The following TM2D2 variants were observed in gnomAD, a reference collection of about 807,000 sequenced individuals.
The protein encoded by TM2D2 is TM2 domain-containing protein 2.
In TM2D2, 19 loss-of-function variants were observed where a neutral mutation model predicts 23.0. The observed-to-expected ratio is 0.82, with a 90% CI of 0.58 to 1.21. TM2D2 has a LOEUF of 1.21. Ranked by LOEUF, TM2D2 falls within the 50% of genes most tolerant of loss-of-function variation. The pLI is 0.00. For missense variants in TM2D2, 246 were observed against 265.4 expected (o/e 0.93, Z 0.51); for synonymous variants, 120 against 108.8 (o/e 1.10, Z -0.64).
At chr8:38,996,621 C>A, upstream of TM2D2, 1 of 1,440,310 alleles carries the variant, frequency 6.9e-7, no homozygotes, top group Non-Finnish European at 9.1e-7. Context: ...AAAGGTCGAG[C>A]AGACGGGCGG....
chr8:38,996,820 A>C, upstream of TM2D2: 1 of 1,435,104 alleles, frequency 7.0e-7, no homozygotes, highest in Admixed American at 2.8e-5. Context: ...CCGGTTTAGA[A>C]ATCCTATTCT....
chr8:38,996,282 T>G lies in TM2D2; in HGVS notation c.158A>C (p.Glu53Ala), dbSNP rs1395962380. The G allele has an allele frequency of 6.2e-7, 1 of 1,613,806 alleles. No homozygotes were observed. The highest frequency in any genetic ancestry group is 8.5e-7 in the Non-Finnish European group (1 of 1,179,990). Reference protein sequence around the residue: ...ELTSAGAAQPEGPGGAASWEY... With the variant: ...ELTSAGAAQPAGPGGAASWEY... ...CCAGCTCGCAGCACCCCCGGGGCCC[T>G]CCGGCTGGGCGGCGCCAGCGGATGT... Residue 53 changes from glutamate (E) to alanine (A), a missense_variant, in exon 1 of 4, where the codon GAG (glutamate) becomes GCG (alanine). Transcript: ENST00000456397.
At chr8:38,995,199 G>C in intron 2 of TM2D2, 119 bp downstream of exon 2, 1 of 721,692 alleles carries the variant, frequency 1.4e-6, no homozygotes, top group African/African-American at 1.9e-5. Flanking sequence ...TTCCAGTAAC[G>C]GTCTTTCTGA....
chr8:38,995,241 T>C lies in TM2D2; in HGVS notation c.315+77A>G. On this transcript the variant is annotated intron_variant, in intron 2 of 3. Coordinates refer to ENST00000456397, the MANE Select transcript of TM2D2 (RefSeq NM_078473.3). ...TCTTCAAAAAACTTTGTACCTCTTA[T>C]ACTTTTATGTAATAGCATTCAGACA... 4 of 1,099,658 alleles carry C rather than the reference T, an allele frequency of 3.6e-6. No individual in the cohort carries two copies. In the South Asian group the frequency reaches 4.6e-5, roughly 13 times the overall value. 68.1% of individuals were successfully genotyped at this position (1,099,658 alleles called of 1,614,324 possible).
intron 2 of TM2D2, 95 bp downstream of exon 2, chr8:38,995,223 A>C: frequency 1.1e-6 from 1 of 943,958 alleles, no homozygotes; most frequent in Non-Finnish European, 1.6e-6. Context: ...AATTCTTCAA[A>C]AAACTTTGTA....
intron 2 of TM2D2, among the ~76,000 whole-genome samples, chr8:38,994,663 G>A (rs919013208): frequency 1.3e-5 from 2 of 152,152 alleles, no homozygotes; most frequent in African/African-American, 2.4e-5. Flanking sequence ...ATAGGATGGC[G>A]AGTCCATGGT....
At position 38,996,300 on chromosome 8, in the gene TM2D2, G is replaced by A; in HGVS notation, c.140C>T (p.Ala47Val). ...GGGGCCCTCCGGCTGGGCGGCGCCA[G>A]CGGATGTGAGCTCAGGCTCAGCGGT... ...NATAEPELTS[A>V]GAAQPEGPGG... The change falls in exon 1 of 4, where the codon GCT becomes GTT. Residue 47 changes from alanine to valine, a missense_variant. Ala to Val is a moderately conservative substitution (Grantham distance 64, BLOSUM62 0). Transcript: ENST00000456397. 3 of 1,614,092 alleles carry A rather than the reference G, an allele frequency of 1.9e-6. No homozygotes were observed. The highest frequency in any genetic ancestry group is 2.5e-6 in the Non-Finnish European group (3 of 1,180,014).
chr8:38,993,658 G>C lies in TM2D2; in HGVS notation c.318C>G (p.Phe106Leu). The C allele has an allele frequency of 6.2e-7, 1 of 1,611,996 alleles. No individual in the cohort carries two copies. The highest frequency in any genetic ancestry group is 8.5e-7 in the Non-Finnish European group (1 of 1,178,694). ...CCACGTCGCTGTAGGCCTGACCGCC[G>C]AACTGTGGAATAACAACCAAGACCA... ...SQELGYGCLK[F>L]GGQAYSDVEH... The change falls in exon 3 of 4, where the codon TTC becomes TTG. Residue 106 changes from phenylalanine (F) to leucine (L), a missense_variant and splice_region_variant. Phe to Leu is a conservative substitution (Grantham distance 22, BLOSUM62 0). Coordinates refer to ENST00000456397, the MANE Select transcript of TM2D2 (RefSeq NM_078473.3).
In TM2D2 at chr8:38,995,495, T is replaced by C. The variant is rs751140167; in HGVS notation, c.228-90A>G. 5.7e-6 allele frequency: 9 copies of C among 1,583,920 alleles called. 1 individual carries two copies. In the East Asian group the frequency reaches 2.1e-4, roughly 37 times the overall value. Reference sequence around the variant, plus strand: ...ACGTAATCAAAACGGGCAAAAGACATTTCTTCATCAAGTTTTCTGGGGTTC... The same window carrying C: ...ACGTAATCAAAACGGGCAAAAGACACTTCTTCATCAAGTTTTCTGGGGTTC... On this transcript the variant is annotated intron_variant, in intron 1 of 3. Transcript: ENST00000456397.
rs1835727745 is a variant in TM2D2 at position 38,995,300 on chromosome 8, G to C, written c.315+18C>G. 6.4e-7 allele frequency: 1 copy of C among 1,559,116 alleles called. No homozygotes were observed. The highest frequency in any genetic ancestry group is 8.7e-7 in the Non-Finnish European group (1 of 1,151,354). ...TCGTTATCGAAGGGTTTGCTCTTAC[G>C]ACAAAACAAAAACTCACCTTGAGAC... On this transcript the variant is annotated intron_variant, in intron 2 of 3. Coordinates refer to ENST00000456397, the MANE Select transcript of TM2D2 (RefSeq NM_078473.3).
At chr8:38,991,572 T>G (rs767829588) in intron 3 of TM2D2, 27 bp from the exon 4 acceptor site, 9 of 1,551,424 alleles carry the variant, frequency 5.8e-6, no homozygotes, top group African/African-American at 1.4e-5. Context: ...AAAAGGAAGA[T>G]GTTTTACTGC....
upstream of TM2D2, chr8:38,996,933 T>G (rs1835826386): frequency 7.2e-7 from 1 of 1,391,654 alleles, no homozygotes; most frequent in Non-Finnish European, 9.7e-7. Flanking sequence ...CGCGTGCTCG[T>G]CGGGCGCGCG....
chr8:38,996,543 CG>C (rs1588309427), upstream of TM2D2: 6 of 1,507,132 alleles, frequency 4.0e-6, no homozygotes, highest in East Asian at 9.7e-5. Flanking sequence ...GCCCCGCCCG[CG>C]TAGCCCCGCC....
chr8:38,989,314 C>CT lies in TM2D2; in HGVS notation c.*2017dup. Reference sequence around the variant, plus strand: ...TTCAAGCCTTGGAGCTGCAAAATTTCTTTTTTGGTCAGAGTCTCACTCTGT... The same window carrying CT: ...TTCAAGCCTTGGAGCTGCAAAATTTCTTTTTTTGGTCAGAGTCTCACTCTGT... On this transcript the variant is annotated 3_prime_UTR_variant, in exon 4 of 4. Coordinates refer to ENST00000456397, the MANE Select transcript of TM2D2 (RefSeq NM_078473.3). The CT allele has an allele frequency of 6.6e-6, 1 of 152,310 alleles. No individual in the cohort carries two copies. Among genetic ancestry groups the CT allele is most frequent in the Non-Finnish European group, 1.5e-5 (1 of 68,046 alleles). 9.4% of individuals were successfully genotyped at this position (152,310 alleles called of 1,614,324 possible). A position where few individuals can be genotyped will look rare whatever the true frequency, so the allele number is the denominator to read the frequency against.
At chr8:38,996,135 C>A in intron 1 of TM2D2, 78 bp downstream of exon 1, 4 of 1,493,664 alleles carry the variant, frequency 2.7e-6, no homozygotes, top group South Asian at 1.3e-5. Flanking sequence ...AGCGTCCCCC[C>A]AACCCTGCCT....
Position 38,989,732 on chromosome 8 carries a change from T to C in TM2D2, c.*1600A>G, listed in dbSNP as rs542704526. 52 of 152,328 alleles carry C rather than the reference T, an allele frequency of 3.4e-4. No homozygotes were observed. Among genetic ancestry groups the C allele is most frequent in the African/African-American group, 1.2e-3 (51 of 41,576 alleles). 9.4% of individuals were successfully genotyped at this position (152,328 alleles called of 1,614,324 possible). ...GGTTAGGTGAAAAGTAGCATCTTAT[T>C]TTGGGTAATATTATAATTTATGTTT... On this transcript the variant is annotated 3_prime_UTR_variant, in exon 4 of 4. Coordinates refer to ENST00000456397, the MANE Select transcript of TM2D2 (RefSeq NM_078473.3).
At chr8:38,995,210 G>C in intron 2 of TM2D2, 108 bp downstream of exon 2, 1 of 803,530 alleles carries the variant, frequency 1.2e-6, no homozygotes, top group Non-Finnish European at 1.9e-6. Flanking sequence ...GTCTTTCTGA[G>C]GAAATTCTTC....
At position 38,993,670 on chromosome 8, in the gene TM2D2, A is replaced by G. The variant is rs145572164; in HGVS notation, c.316-10T>C. On this transcript the variant is annotated splice_polypyrimidine_tract_variant and intron_variant, in intron 2 of 3. Coordinates refer to ENST00000456397, the MANE Select transcript of TM2D2 (RefSeq NM_078473.3). ...AGGCCTGACCGCCGAACTGTGGAATAACAACCAAGACCAAAACCAACTCAC... is the reference window on the plus strand; with the variant it reads ...AGGCCTGACCGCCGAACTGTGGAATGACAACCAAGACCAAAACCAACTCAC... The G allele has an allele frequency of 5.5e-5, 88 of 1,607,678 alleles. No homozygotes were observed. The African/African-American group carries it at 9.6e-4, about 18-fold the overall frequency.
chr8:38,996,748 C>T (rs1835817961), upstream of TM2D2: 16 of 1,418,930 alleles, frequency 1.1e-5, no homozygotes, highest in South Asian at 1.9e-4. Context: ...GGTGGGCGTG[C>T]CCGGCAGCCG....
Sources: gnomAD v4.1 joint callset for allele counts (sites outside exome capture counted in the v4.1 genomes callset) on GRCh38, gnomAD v4.1.1 for gene constraint, MANE v1.5 for transcripts, NCBI Gene and HGNC (gene_info 2026-07-23, HGNC 2026-07-21) for gene names.